The following HS3ST3A1 variants were observed in gnomAD, a reference collection of about 807,000 sequenced individuals.
HS3ST3A1 encodes heparan sulfate-glucosamine 3-sulfotransferase 3A1.
A neutral mutation model predicts 25.7 loss-of-function variants in HS3ST3A1; 19 were observed. The ratio of observed to expected loss-of-function variants is 0.74; its 90% confidence interval spans 0.52 to 1.08. HS3ST3A1 has a LOEUF of 1.08. HS3ST3A1 is among the 50% of genes least tolerant of loss of function. The probability of loss-of-function intolerance (pLI) is 0.00; values close to 1 mark genes in which losing one functional copy is unlikely to be tolerated. For missense variants in HS3ST3A1, 459 were observed against 594.3 expected (o/e 0.77, Z 2.37); for synonymous variants, 226 against 278.6 (o/e 0.81, Z 1.88).
intron 1 of HS3ST3A1, among the ~76,000 whole-genome samples, chr17:13,561,912 G>A (rs939537057): frequency 2.6e-5 from 4 of 152,034 alleles, no homozygotes; most frequent in Non-Finnish European, 4.4e-5. Context: ...GTAGGGTACG[G>A]ATCTGTGTGG....
intron 1 of HS3ST3A1, among the ~76,000 whole-genome samples, chr17:13,544,516 T>C (rs916138095): frequency 6.6e-6 from 1 of 152,212 alleles, no homozygotes; most frequent in African/African-American, 2.4e-5. Flanking sequence ...CTTTCATTCA[T>C]CACTTTTCAG....
rs1908699574 is a variant in HS3ST3A1, at chr17:13,600,666, G to C, written c.464C>G (p.Ala155Gly). 3 of 1,589,008 alleles carry C rather than the reference G, an allele frequency of 1.9e-6. No individual in the cohort carries two copies. The highest frequency in any genetic ancestry group is 8.5e-7 in the Non-Finnish European group (1 of 1,173,960). Residue 155 changes from alanine to glycine, a missense_variant, in exon 1 of 2, where the codon GCC (alanine) becomes GGC (glycine). This residue lies in a region of HS3ST3A1 where 346 missense variants were observed against 303.9 expected (regional missense o/e 1.14). Transcript: ENST00000284110. ...LDEGSKQLPQ[A>G]IIIGVKKGGT... ...GCCCTTCTTCACTCCGATGATGATG[G>C]CCTGCGGCAGCTGCTTGCTGCCTTC... is the stretch of plus-strand genomic sequence containing the variant.
At position 13,551,312 on chromosome 17, in the gene HS3ST3A1, G is replaced by A. The variant is rs185110243; in HGVS notation, c.599+49219C>T. Among the ~76,000 whole-genome samples, 736 of 151,352 alleles carry A rather than the reference G, an allele frequency of 4.9e-3. 2 individuals carry two copies. The highest frequency in any genetic ancestry group is 8.7e-3 in the Non-Finnish European group (592 of 67,900). Reference sequence around the variant, plus strand: ...TGCAGTGAGCTGAGATCGGGCCACTGCACTCCAGCCTGGCGACACGGAGAG... The same window carrying A: ...TGCAGTGAGCTGAGATCGGGCCACTACACTCCAGCCTGGCGACACGGAGAG... On this transcript the variant is annotated intron_variant, in intron 1 of 1. Transcript: ENST00000284110.
chr17:13,570,915 C>T (rs991642748), intron 1 of HS3ST3A1, among the ~76,000 whole-genome samples: 1 of 152,048 alleles, frequency 6.6e-6, no homozygotes, highest in East Asian at 1.9e-4. Flanking sequence ...AGTAAAAGTC[C>T]TTGACCATAT....
intron 1 of HS3ST3A1, among the ~76,000 whole-genome samples, chr17:13,581,390 C>G (rs1908107180): frequency 6.6e-6 from 1 of 151,080 alleles, no homozygotes; most frequent in African/African-American, 2.4e-5. Flanking sequence ...TCACTTGAAC[C>G]CGGGAGAGAG....
At chr17:13,580,587 G>T (rs1000122367) in intron 1 of HS3ST3A1, among the ~76,000 whole-genome samples, 1 of 152,094 alleles carries the variant, frequency 6.6e-6, no homozygotes, top group Non-Finnish European at 1.5e-5. Context: ...GATTTTAGGG[G>T]TAAGACTCAG....
At chr17:13,576,384 TG>T (rs1166799571) in intron 1 of HS3ST3A1, among the ~76,000 whole-genome samples, 9 of 152,230 alleles carry the variant, frequency 5.9e-5, no homozygotes, top group African/African-American at 2.2e-4. Context: ...CCTTGCCATG[TG>T]GGCCTCTCCA....
At chr17:13,580,102 A>G (rs1190958296) in intron 1 of HS3ST3A1, among the ~76,000 whole-genome samples, 1 of 152,172 alleles carries the variant, frequency 6.6e-6, no homozygotes, top group African/African-American at 2.4e-5. Flanking sequence ...GGCAGCATAT[A>G]CAGTCTGTTG....
intron 1 of HS3ST3A1, among the ~76,000 whole-genome samples, chr17:13,512,821 T>G (rs1215299450): frequency 6.6e-6 from 1 of 152,170 alleles, no homozygotes; most frequent in Non-Finnish European, 1.5e-5. Context: ...TGTCTTTGTT[T>G]TATTACTCAT....
At chr17:13,535,728 G>A (rs1219528142) in intron 1 of HS3ST3A1, among the ~76,000 whole-genome samples, 1 of 152,102 alleles carries the variant, frequency 6.6e-6, no homozygotes, top group Non-Finnish European at 1.5e-5. Context: ...TTCCAAATCA[G>A]CTTCTCCCTC....
intron 1 of HS3ST3A1, among the ~76,000 whole-genome samples, chr17:13,570,989 G>T (rs1012558853): frequency 6.6e-6 from 1 of 152,160 alleles, no homozygotes; most frequent in Non-Finnish European, 1.5e-5. Context: ...TAGAGATATA[G>T]GAGAGGCCTG....
chr17:13,574,749 C>CAT (rs1220205756), intron 1 of HS3ST3A1, among the ~76,000 whole-genome samples: 4 of 90,112 alleles, frequency 4.4e-5, no homozygotes, highest in Admixed American at 1.3e-4. Context: ...AATACACACA[C>CAT]ACACACACAC....
intron 1 of HS3ST3A1, among the ~76,000 whole-genome samples, chr17:13,561,492 T>A (rs2142365546): frequency 6.6e-6 from 1 of 152,080 alleles, no homozygotes; most frequent in Non-Finnish European, 1.5e-5. Context: ...GTTTAAGCGA[T>A]TCTCCTGCCT....
chr17:13,581,808 G>A (rs763762447), intron 1 of HS3ST3A1, among the ~76,000 whole-genome samples: 1 of 152,162 alleles, frequency 6.6e-6, no homozygotes, highest in Non-Finnish European at 1.5e-5. Flanking sequence ...CATTTCCAAT[G>A]CTAATAATGA....
intron 1 of HS3ST3A1, among the ~76,000 whole-genome samples, chr17:13,596,438 C>CACACACACACACACAT (rs935270188): frequency 4.0e-5 from 6 of 151,492 alleles, no homozygotes; most frequent in African/African-American, 1.5e-4. Context: ...CACACACACA[C>CACACACACACACACAT]ACACACACAC....
intron 1 of HS3ST3A1, among the ~76,000 whole-genome samples, chr17:13,573,025 C>T (rs901368053): frequency 3.3e-5 from 5 of 152,182 alleles, no homozygotes; most frequent in African/African-American, 1.2e-4. Flanking sequence ...CAGCCAACTC[C>T]ACTAAAGTTT....
At chr17:13,560,150 T>G (rs1056815381) in intron 1 of HS3ST3A1, among the ~76,000 whole-genome samples, 1 of 150,366 alleles carries the variant, frequency 6.7e-6, no homozygotes, top group African/African-American at 2.4e-5. Flanking sequence ...ATTAGCCAGG[T>G]ATGGTGGCAC....
Position 13,507,285 on chromosome 17 carries a change from A to G in HS3ST3A1, c.600-10467T>C, listed in dbSNP as rs539962276. On this transcript the variant is annotated intron_variant, in intron 1 of 1. Transcript: ENST00000284110. ...GTATTATTTCTTGAGTCTCACAACT[A>G]AAATGAAGAGCTAGAATTATTCCCT... Among the ~76,000 whole-genome samples, 22 of 152,294 alleles carry G rather than the reference A, an allele frequency of 1.4e-4. No homozygotes were observed. In the South Asian group the frequency reaches 2.3e-3, roughly 16 times the overall value.
At chr17:13,544,553 G>C (rs1243222201) in intron 1 of HS3ST3A1, among the ~76,000 whole-genome samples, 1 of 152,182 alleles carries the variant, frequency 6.6e-6, no homozygotes, top group Non-Finnish European at 1.5e-5. Context: ...CACAGCCCCA[G>C]CCTCTTTGTG....
Sources: allele counts gnomAD v4.1 joint callset (sites outside exome capture counted in the v4.1 genomes callset), GRCh38; gene constraint gnomAD v4.1.1; regional missense constraint gnomAD v4.1.1; transcripts MANE v1.5; gene names NCBI Gene and HGNC (gene_info 2026-07-23, HGNC 2026-07-21).